The following CC2D1A variants were observed in gnomAD, a reference collection of about 807,000 sequenced individuals.
CC2D1A encodes the protein coiled-coil and C2 domain-containing protein 1A.
In CC2D1A, 68 loss-of-function variants were observed where a neutral mutation model predicts 123.8. The observed-to-expected ratio is 0.55, with a 90% CI of 0.45 to 0.67. The LOEUF is 0.67. Among genes scored for constraint, CC2D1A ranks in the 30% least tolerant of loss-of-function variants. The pLI, the probability that CC2D1A is intolerant of heterozygous loss-of-function variation, is 0.00. For missense variants in CC2D1A, 1,185 were observed against 1,290.3 expected, an observed-to-expected ratio of 0.92 and a Z score of 1.25; for synonymous variants, 477 against 528.0, an observed-to-expected ratio of 0.90 and a Z score of 1.32.
Position 13,925,931 on chromosome 19 carries a change from A to T in CC2D1A, c.1941-586A>T, listed in dbSNP as rs1188918726. 2.3e-3 allele frequency among the ~76,000 whole-genome samples: 221 copies of T among 98,056 alleles called. 4 individuals are homozygous for T. Among genetic ancestry groups the T allele is most frequent in the Admixed American group, 0.016 (155 of 9,672 alleles). The allele number at this position is 98,056 out of a possible 152,430, so 64.3% of individuals were successfully genotyped here. On this transcript the variant is annotated intron_variant, in intron 17 of 28. Coordinates refer to ENST00000318003, the MANE Select transcript of CC2D1A (RefSeq NM_017721.5). ...CAAGACTCTGTCTAAAAAAAAAAAAAAAATATATATATATATATATATATA... is the reference window on the plus strand; with the variant it reads ...CAAGACTCTGTCTAAAAAAAAAAAATAAATATATATATATATATATATATA...
chr19:13,924,043 T>C (rs1191603364), intron 17 of CC2D1A, among the ~76,000 whole-genome samples: 1 of 151,896 alleles, frequency 6.6e-6, no homozygotes, highest in Non-Finnish European at 1.5e-5. Flanking sequence ...AGTGCAAAGG[T>C]GTATCTTGTC....
At chr19:13,922,968 G>A (rs1261646584) in intron 14 of CC2D1A, among the ~76,000 whole-genome samples, 3 of 152,104 alleles carry the variant, frequency 2.0e-5, no homozygotes, top group Non-Finnish European at 2.9e-5. Flanking sequence ...CAAGGCCAGC[G>A]GATCACTTGA....
chr19:13,906,363 G>A lies in CC2D1A; in HGVS notation c.-79G>A. ...AGTGCAGGACTCAGGAAGGGCGAGT[G>A]CGCGGCGACAGAGCCCGGGGAAGGA... On this transcript the variant is annotated 5_prime_UTR_variant, in exon 1 of 29. Transcript: ENST00000318003. This position sits in a 1 kb window ranked among gnomAD's most constrained non-coding sequence, Gnocchi z 4.1. The A allele has an allele frequency of 2.5e-6, 3 of 1,213,960 alleles. No individual in the cohort carries two copies. The highest frequency in any genetic ancestry group is 3.4e-6 in the Non-Finnish European group (3 of 893,626). 75.2% of individuals were successfully genotyped at this position (1,213,960 alleles called of 1,614,324 possible). A position where few individuals can be genotyped will look rare whatever the true frequency, so the allele number is the denominator to read the frequency against.
Position 13,912,376 on chromosome 19 carries a change from C to G in CC2D1A, c.250C>G (p.Pro84Ala). ...EKMASLCMRD[P>A]DEDEEEGTDE... ...GATGGCCAGCCTGTGCATGAGAGAC[C>G]CGGATGAGGATGAGGAGGAGGGGAC... The change falls in exon 3 of 29, where the codon CCG becomes GCG. Residue 84 changes from proline to alanine, a missense_variant. Physicochemically the swap from Pro to Ala is conservative, Grantham distance 27 (BLOSUM62 -1). Transcript: ENST00000318003. 6.2e-7 allele frequency: 1 copy of G among 1,613,306 alleles called. No homozygotes were observed. The highest frequency in any genetic ancestry group is 8.5e-7 in the Non-Finnish European group (1 of 1,179,732).
rs1971778980 is a variant in CC2D1A, at chr19:13,929,379, A to G, written c.2520A>G (p.Arg840=). The change falls in exon 25 of 29, where the codon AGA becomes AGG. Residue 840 remains arginine, a splice_region_variant and synonymous_variant. Transcript: ENST00000318003. ...VPAPARESGN[R]SARPLHSLSV... ...CCCTTATCCTTCCTCCACCCCTTAGATCAGCCCGGCCCCTGCATAGCCTCA... is the reference window on the plus strand; with the variant it reads ...CCCTTATCCTTCCTCCACCCCTTAGGTCAGCCCGGCCCCTGCATAGCCTCA... 3 of 1,613,392 alleles carry G rather than the reference A, an allele frequency of 1.9e-6. No individual in the cohort carries two copies. Among genetic ancestry groups the G allele is most frequent in the Admixed American group, 1.7e-5 (1 of 59,954 alleles).
At chr19:13,924,992 A>G (rs1380214108) in intron 17 of CC2D1A, among the ~76,000 whole-genome samples, 3 of 151,998 alleles carry the variant, frequency 2.0e-5, no homozygotes, top group African/African-American at 4.8e-5. Flanking sequence ...CCTCTGCATC[A>G]GCTATTTCTT....
At chr19:13,912,820 T>C (rs1011787937) in intron 4 of CC2D1A, among the ~76,000 whole-genome samples, 1 of 152,120 alleles carries the variant, frequency 6.6e-6, no homozygotes, top group African/African-American at 2.4e-5. Context: ...GCCTGGCTAA[T>C]TTTTGTATTT....
rs1971504023 is a variant in CC2D1A, at chr19:13,923,956, C to A, written c.1940+145C>A. ...TGGAAGAGCACAGAGCATGCAAAGG[C>A]TCTGGGGCAGGCATGAGATACAAGT... On this transcript the variant is annotated intron_variant, in intron 17 of 28. Transcript: ENST00000318003. The surrounding 1 kb of genome is among the most constrained non-coding windows in gnomAD (Gnocchi z 5.3). The A allele has an allele frequency of 3.1e-6, 2 of 637,492 alleles. No homozygotes were observed. 39.5% of individuals were successfully genotyped at this position (637,492 alleles called of 1,614,324 possible). A position where few individuals can be genotyped will look rare whatever the true frequency, so the allele number is the denominator to read the frequency against.
intron 1 of CC2D1A, among the ~76,000 whole-genome samples, chr19:13,909,152 CA>C (rs1970899875): frequency 6.6e-6 from 1 of 152,006 alleles, no homozygotes; most frequent in East Asian, 1.9e-4. Context: ...GCGGGCAGAT[CA>C]TGAGGTCAGG....
chr19:13,924,703 C>T (rs996111229), intron 17 of CC2D1A, among the ~76,000 whole-genome samples: 2 of 152,188 alleles, frequency 1.3e-5, no homozygotes, highest in Admixed American at 1.3e-4. Flanking sequence ...AAATGATCCG[C>T]CTGCCTTGGC....
In CC2D1A at chr19:13,906,822, A is replaced by G. The variant is rs76321422; in HGVS notation, c.60+321A>G. 7.9e-3 allele frequency among the ~76,000 whole-genome samples: 1,201 copies of G among 152,282 alleles called. 15 individuals carry two copies. Among genetic ancestry groups the G allele is most frequent in the African/African-American group, 0.028 (1,147 of 41,568 alleles). On this transcript the variant is annotated intron_variant, in intron 1 of 28. Transcript: ENST00000318003. The surrounding 1 kb of genome is among the most constrained non-coding windows in gnomAD (Gnocchi z 4.1). ...AGACTCTTTTTATTCCATTGTACAG[A>G]TGAGGACTTTGAGACTCAGAGACGT...
Position 13,920,553 on chromosome 19 carries a change from A to G in CC2D1A, c.1357-4A>G. 7.1e-6 allele frequency: 11 copies of G among 1,545,938 alleles called. No individual in the cohort carries two copies. The highest frequency in any genetic ancestry group is 9.8e-6 in the Non-Finnish European group (11 of 1,122,326). ...TCTCTAACATCCTCTCTCTTCCTCTACAGCAGAACAGCCCTGTGGCCCCCA... is the reference window on the plus strand; with the variant it reads ...TCTCTAACATCCTCTCTCTTCCTCTGCAGCAGAACAGCCCTGTGGCCCCCA... On this transcript the variant is annotated splice_region_variant and splice_polypyrimidine_tract_variant and intron_variant, in intron 12 of 28. Transcript: ENST00000318003.
intron 22 of CC2D1A, 96 bp from the exon 23 acceptor site, chr19:13,927,795 ACC>A (rs1971699019): frequency 2.4e-6 from 3 of 1,235,608 alleles, no homozygotes; most frequent in Non-Finnish European, 3.3e-6. Flanking sequence ...AAAAAAAAAA[ACC>A]AAAAAAAAAA....
At chr19:13,927,676 G>T in intron 22 of CC2D1A, 1 of 565,638 alleles carries the variant, frequency 1.8e-6, no homozygotes, top group Non-Finnish European at 3.1e-6. Flanking sequence ...TACTCGGGAG[G>T]CTGAGGCAGG....
chr19:13,929,218 G>A (rs1438527374), intron 24 of CC2D1A, among the ~76,000 whole-genome samples, 161 bp from the exon 25 acceptor site: 1 of 151,788 alleles, frequency 6.6e-6, no homozygotes, highest in Non-Finnish European at 1.5e-5. Flanking sequence ...TATTGGCCAG[G>A]CTGGTCTCGA....
rs1462517598 is a variant in CC2D1A at position 13,909,954 on chromosome 19, C to T, written c.192C>T (p.Gly64=). The T allele has an allele frequency of 6.6e-7, 1 of 1,514,442 alleles. No homozygotes were observed. Among genetic ancestry groups the T allele is most frequent in the Non-Finnish European group, 8.8e-7 (1 of 1,131,314 alleles). The allele number at this position is 1,514,442 out of a possible 1,614,324, so 93.8% of individuals were successfully genotyped here. Residue 64 remains glycine, a synonymous_variant, in exon 2 of 29, where the codon GGC becomes GGT. Transcript: ENST00000318003. ...GQPPALEKLK[G]KGPLPMEAIE... ...CCCCAGCCCTGGAGAAGCTCAAAGG[C>T]AAAGGTGAGATGGTTAACACACCCT... is the stretch of plus-strand genomic sequence containing the variant.
chr19:13,927,796 C>T, intron 22 of CC2D1A, 97 bp from the exon 23 acceptor site: 1 of 1,209,316 alleles, frequency 8.3e-7, no homozygotes, highest in South Asian at 1.5e-5. Flanking sequence ...AAAAAAAAAA[C>T]CAAAAAAAAA....
In CC2D1A at chr19:13,913,611, G is replaced by C. The variant is rs1971096288; in HGVS notation, c.721G>C (p.Gly241Arg). The C allele has an allele frequency of 6.2e-7, 1 of 1,610,748 alleles. No individual in the cohort carries two copies. Residue 241 changes from glycine to arginine, a missense_variant, in exon 6 of 29, where the codon GGC (glycine) becomes CGC (arginine). Gly to Arg is a moderately radical substitution (Grantham distance 125). Transcript: ENST00000318003. ...PSATAPASSP[G>R]LAKPQMPPGP... ...TGCCACCGCCCCAGCCTCATCTCCA[G>C]GCTTGGCTAAGCCCCAGATGCCCCC... is the stretch of plus-strand genomic sequence containing the variant.
Position 13,915,331 on chromosome 19 carries a change from C to T in CC2D1A, c.748+1693C>T, listed in dbSNP as rs548657893. The stretch of plus-strand genomic sequence containing the variant: ...CGTGATCTCGGCTCACTGCAACCTC[C>T]GCCTCCCAGGTTCAAGTGATTCACC... On this transcript the variant is annotated intron_variant, in intron 6 of 28. Coordinates refer to ENST00000318003, the MANE Select transcript of CC2D1A (RefSeq NM_017721.5). Among the ~76,000 whole-genome samples, 10 of 152,288 alleles carry T rather than the reference C, an allele frequency of 6.6e-5. No individual in the cohort carries two copies. The South Asian group carries it at 1.2e-3, about 19-fold the overall frequency.
Sources: allele counts gnomAD v4.1 joint callset (sites outside exome capture counted in the v4.1 genomes callset), GRCh38; gene constraint gnomAD v4.1.1; non-coding constraint Gnocchi (gnomAD v3.1); transcripts MANE v1.5; gene names NCBI Gene and HGNC (gene_info 2026-07-23, HGNC 2026-07-21).